The following KPNA3 variants were observed in gnomAD, a reference collection of about 807,000 sequenced individuals.
KPNA3 encodes the protein karyopherin subunit alpha 3.
KPNA3 carries 13 observed loss-of-function variants against 73.8 expected under a neutral mutation model. That is an observed-to-expected ratio of 0.18 (90% confidence interval 0.11 to 0.28). The LOEUF (loss-of-function observed/expected upper bound fraction) is 0.28, where lower values mean the gene tolerates loss of function less well. Among genes scored for constraint, KPNA3 ranks in the 10% least tolerant of loss-of-function variants. The probability of loss-of-function intolerance (pLI) is 1.00; values close to 1 mark genes in which losing one functional copy is unlikely to be tolerated. For synonymous variants in KPNA3, 186 were observed against 206.9 expected, an observed-to-expected ratio of 0.90 and a Z score of 0.87; for missense variants, 360 against 618.1, an observed-to-expected ratio of 0.58 and a Z score of 4.43.
At chr13:49,709,770 C>A in intron 11 of KPNA3, 70 bp from the exon 12 acceptor site, 1 of 1,458,222 alleles carries the variant, frequency 6.9e-7, no homozygotes, top group Non-Finnish European at 9.3e-7. Flanking sequence ...TTTTCATAAT[C>A]CTGAGAAAAA....
intron 1 of KPNA3, among the ~76,000 whole-genome samples, chr13:49,788,482 G>C (rs978227499): frequency 3.9e-5 from 6 of 152,096 alleles, no homozygotes; most frequent in African/African-American, 1.2e-4. Context: ...CACTTTTAGA[G>C]GCCAAGGCAG....
At chr13:49,756,216 G>GT (rs2137577890) in intron 1 of KPNA3, among the ~76,000 whole-genome samples, 1 of 152,356 alleles carries the variant, frequency 6.6e-6, no homozygotes, top group East Asian at 1.9e-4. Context: ...GGAGGCTGCA[G>GT]TAAGTGGAGA....
intron 10 of KPNA3, among the ~76,000 whole-genome samples, chr13:49,716,373 A>C (rs993729526): frequency 7.9e-5 from 12 of 152,102 alleles, no homozygotes; most frequent in Non-Finnish European, 1.5e-4. Context: ...GAACCTATTA[A>C]ATCTCTGCCT....
chr13:49,786,141 A>G (rs540724035), intron 1 of KPNA3, among the ~76,000 whole-genome samples: 1 of 152,364 alleles, frequency 6.6e-6, no homozygotes, highest in Admixed American at 6.5e-5. Context: ...GGGCTAGGCA[A>G]CAGTATCAAT....
intron 12 of KPNA3, among the ~76,000 whole-genome samples, chr13:49,706,785 G>T (rs1231917178): frequency 6.6e-6 from 1 of 150,722 alleles, no homozygotes; most frequent in African/African-American, 2.4e-5. Flanking sequence ...GTCTTGCTCT[G>T]TCGCCCAGGT....
intron 6 of KPNA3, among the ~76,000 whole-genome samples, chr13:49,729,852 G>C (rs1954445547): frequency 6.6e-6 from 1 of 152,194 alleles, no homozygotes; most frequent in South Asian, 2.1e-4. Flanking sequence ...AGAGTGCTTT[G>C]TATGTATTAT....
At chr13:49,735,246 C>T (rs1188335828) in intron 2 of KPNA3, among the ~76,000 whole-genome samples, 2 of 152,146 alleles carry the variant, frequency 1.3e-5, no homozygotes, top group Non-Finnish European at 2.9e-5. Context: ...CCTCAGCCTC[C>T]TGAATAGCTG....
chr13:49,731,128 G>C (rs2137553309), intron 6 of KPNA3, among the ~76,000 whole-genome samples: 1 of 150,728 alleles, frequency 6.6e-6, no homozygotes, highest in South Asian at 2.1e-4. Context: ...AGGCTGGAGT[G>C]CAATGGCATG....
At position 49,709,707 on chromosome 13, in the gene KPNA3, T is replaced by G. The variant is rs1393703790; in HGVS notation, c.904-7A>C. 3 of 1,606,998 alleles carry G rather than the reference T, an allele frequency of 1.9e-6. No individual in the cohort carries two copies. The highest frequency in any genetic ancestry group is 2.5e-6 in the Non-Finnish European group (3 of 1,177,710). On this transcript the variant is annotated splice_region_variant and splice_polypyrimidine_tract_variant and intron_variant, in intron 11 of 16. Coordinates refer to ENST00000261667, the MANE Select transcript of KPNA3 (RefSeq NM_002267.4). ...CTGCTCTGAGGGCTGCTGTCTAGGG[T>G]GGGGATAAAATGTTTTCTATAAATT...
At chr13:49,739,432 C>T (rs1449728746) in intron 2 of KPNA3, among the ~76,000 whole-genome samples, 1 of 152,048 alleles carries the variant, frequency 6.6e-6, no homozygotes, top group Non-Finnish European at 1.5e-5. Flanking sequence ...TTACTTAATT[C>T]CTACATAACT....
chr13:49,746,861 TG>T, intron 2 of KPNA3, 87 bp downstream of exon 2: 1 of 915,808 alleles, frequency 1.1e-6, no homozygotes, highest in Non-Finnish European at 1.7e-6. Context: ...ACCACTAATT[TG>T]CCACAGTATT....
chr13:49,719,858 TTAATA>T, intron 9 of KPNA3, 39 bp from the exon 10 acceptor site: 1 of 1,303,756 alleles, frequency 7.7e-7, no homozygotes. Flanking sequence ...CATTAGTTAA[TTAATA>T]TGTCTGTAAA....
chr13:49,709,456 CTCA>C, intron 12 of KPNA3, 113 bp downstream of exon 12: 1 of 641,284 alleles, frequency 1.6e-6, no homozygotes, highest in Non-Finnish European at 2.4e-6. Context: ...TAAAATAATT[CTCA>C]TCTTCGCTGC....
chr13:49,699,921 C>G lies in KPNA3; in HGVS notation c.*1879G>C, dbSNP rs747582285. 6.6e-6 allele frequency: 1 copy of G among 152,480 alleles called. No homozygotes were observed. Among genetic ancestry groups the G allele is most frequent in the African/African-American group, 2.4e-5 (1 of 41,392 alleles). The allele number at this position is 152,480 out of a possible 1,614,324, so 9.4% of individuals were successfully genotyped here. A position where few individuals can be genotyped will look rare whatever the true frequency, so the allele number is the denominator to read the frequency against. On this transcript the variant is annotated 3_prime_UTR_variant, in exon 17 of 17. Transcript: ENST00000261667. ...AACAGGATGCAGTTACCATATGAAG[C>G]TTTAACTCAAAATTTGGATAAAGAA...
intron 2 of KPNA3, among the ~76,000 whole-genome samples, chr13:49,734,918 C>G (rs201718829): frequency 8.3e-6 from 1 of 120,284 alleles, no homozygotes; most frequent in African/African-American, 3.0e-5. Flanking sequence ...TATATATACA[C>G]ACACATATAT....
chr13:49,707,273 CAT>C (rs1419723394), intron 12 of KPNA3, among the ~76,000 whole-genome samples: 3 of 152,152 alleles, frequency 2.0e-5, no homozygotes, highest in Non-Finnish European at 4.4e-5. Flanking sequence ...GTTAGTATCA[CAT>C]GTGTATCTTC....
intron 6 of KPNA3, among the ~76,000 whole-genome samples, chr13:49,726,631 G>A (rs990175014): frequency 7.2e-5 from 11 of 152,128 alleles, no homozygotes; most frequent in African/African-American, 2.2e-4. Context: ...GCTAAAAAAG[G>A]TTAAAGGCTG....
rs376632632 is a variant in KPNA3, at chr13:49,706,574, A to C, written c.1033-202T>G. ...CATTAATTATATTTGGGCTCCAATA[A>C]CCTGGCATTTATCCATTCATTAATA... On this transcript the variant is annotated intron_variant, in intron 12 of 16. Coordinates refer to ENST00000261667, the MANE Select transcript of KPNA3 (RefSeq NM_002267.4). Among the ~76,000 whole-genome samples the C allele has an allele frequency of 9.2e-5, 14 of 152,292 alleles. No homozygotes were observed. The East Asian group carries it at 1.9e-3, about 21-fold the overall frequency.
chr13:49,733,183 A>G, intron 2 of KPNA3, 137 bp from the exon 3 acceptor site: 3 of 643,568 alleles, frequency 4.7e-6, no homozygotes, highest in Non-Finnish European at 8.2e-6. Context: ...TTAAATGTGC[A>G]TACTGCAAAC....
Sources: allele counts gnomAD v4.1 joint callset (sites outside exome capture counted in the v4.1 genomes callset), GRCh38; gene constraint gnomAD v4.1.1; transcripts MANE v1.5; gene names NCBI Gene and HGNC (gene_info 2026-07-23, HGNC 2026-07-21).